LRBA: variants seen among roughly 807,000 people sequenced by gnomAD.
LRBA encodes the protein lipopolysaccharide-responsive and beige-like anchor protein.
LRBA carries 176 observed loss-of-function variants against 330.0 expected under a neutral mutation model. That is an observed-to-expected ratio of 0.53 (90% CI 0.47 to 0.60). The LOEUF is 0.60. Among genes scored for constraint, LRBA ranks in the 20% least tolerant of loss-of-function variants. LRBA has a pLI of 0.00. For synonymous variants in LRBA, 1,230 were observed against 1,193.0 expected (o/e 1.03, Z -0.64); for missense variants, 3,259 against 3,444.8 (o/e 0.95, Z 1.35).
chr4:150,546,489 A>G (rs1202415105), intron 40 of LRBA, among the ~76,000 whole-genome samples: 1 of 152,140 alleles, frequency 6.6e-6, no homozygotes, highest in Admixed American at 6.6e-5. Context: ...CCATTGCACA[A>G]GGTTTGTTAG....
chr4:150,664,395 A>C (rs902764589), intron 37 of LRBA, among the ~76,000 whole-genome samples: 1 of 152,216 alleles, frequency 6.6e-6, no homozygotes, highest in Non-Finnish European at 1.5e-5. Context: ...CAGACCAGGA[A>C]ATGTATAATG....
At chr4:150,790,303 G>A (rs1739709888) in intron 34 of LRBA, among the ~76,000 whole-genome samples, 1 of 152,106 alleles carries the variant, frequency 6.6e-6, no homozygotes, top group Non-Finnish European at 1.5e-5. Context: ...GTGTGCTGGT[G>A]AATCCATAGG....
At chr4:150,625,579 T>G (rs1042647369) in intron 37 of LRBA, among the ~76,000 whole-genome samples, 1 of 151,920 alleles carries the variant, frequency 6.6e-6, no homozygotes, top group African/African-American at 2.4e-5. Flanking sequence ...TATTATAATT[T>G]AACACAGTGC....
intron 42 of LRBA, among the ~76,000 whole-genome samples, chr4:150,480,546 A>G (rs2152080389): frequency 6.6e-6 from 1 of 152,252 alleles, no homozygotes; most frequent in Middle Eastern, 3.4e-3. Context: ...AAATAATGCT[A>G]TAGCACATAC....
At chr4:150,355,250 T>G (rs1737684140) in intron 47 of LRBA, among the ~76,000 whole-genome samples, 2 of 152,090 alleles carry the variant, frequency 1.3e-5, no homozygotes, top group South Asian at 4.1e-4. Context: ...AAAAACCAAA[T>G]TTTTGCCAAT....
Position 150,421,617 on chromosome 4 carries a change from C to G in LRBA, c.7042-6027G>C, listed in dbSNP as rs569487504. On this transcript the variant is annotated intron_variant, in intron 46 of 56. Transcript: ENST00000651943. ...ACGTCACTGTCCTAGCTTCATCTAC[C>G]TGTTGCCAACAACTTGAAGGAGTTT... is the stretch of plus-strand genomic sequence containing the variant. Among the ~76,000 whole-genome samples, 11 of 152,168 alleles carry G rather than the reference C, an allele frequency of 7.2e-5. No homozygotes were observed. The South Asian group carries it at 1.5e-3, about 20-fold the overall frequency.
chr4:150,287,739 A>C (rs948183152), intron 53 of LRBA, among the ~76,000 whole-genome samples: 1 of 152,178 alleles, frequency 6.6e-6, no homozygotes, highest in Admixed American at 6.5e-5. Context: ...AAGGGAGACC[A>C]AAAATAACAT....
At chr4:150,398,030 T>C (rs1400549439) in intron 47 of LRBA, among the ~76,000 whole-genome samples, 1 of 152,142 alleles carries the variant, frequency 6.6e-6, no homozygotes, top group African/African-American at 2.4e-5. Context: ...CAAAAATAAT[T>C]ACATATATAT....
intron 46 of LRBA, among the ~76,000 whole-genome samples, chr4:150,432,998 A>G (rs2151987457): frequency 6.6e-6 from 1 of 152,290 alleles, no homozygotes; most frequent in African/African-American, 2.4e-5. Flanking sequence ...CCTACTTACT[A>G]TCCTACAGAT....
chr4:150,320,806 C>T (rs1732400280), intron 50 of LRBA, among the ~76,000 whole-genome samples: 1 of 151,454 alleles, frequency 6.6e-6, no homozygotes, highest in African/African-American at 2.4e-5. Context: ...GGCCTTGTCT[C>T]TAAAAACAAA....
intron 44 of LRBA, among the ~76,000 whole-genome samples, chr4:150,440,544 A>G (rs1751684764): frequency 6.6e-6 from 1 of 152,060 alleles, no homozygotes; most frequent in South Asian, 2.1e-4. Context: ...GGCAGGCTGA[A>G]GCAGGAGAAT....
chr4:150,793,001 A>T (rs1302165632), intron 34 of LRBA, among the ~76,000 whole-genome samples: 3 of 151,928 alleles, frequency 2.0e-5, no homozygotes, highest in Middle Eastern at 6.8e-3. Flanking sequence ...AATAGCTTGA[A>T]CCCAGGAGGC....
At chr4:150,940,404 A>AAAAAC (rs557666313) in intron 2 of LRBA, among the ~76,000 whole-genome samples, 13 of 152,378 alleles carry the variant, frequency 8.5e-5, no homozygotes, top group South Asian at 4.1e-4. Flanking sequence ...GCTTTCTCAA[A>AAAAAC]AAAACAAAAC....
In LRBA at chr4:150,938,567, G is replaced by C. The variant is rs370001384; in HGVS notation, c.217-9502C>G. ...CTGATCAGCCATGTGACCAAGTTCTGACCAACAGGCAGTAAATACGTGCAA... is the reference window on the plus strand; with the variant it reads ...CTGATCAGCCATGTGACCAAGTTCTCACCAACAGGCAGTAAATACGTGCAA... On this transcript the variant is annotated intron_variant, in intron 2 of 56. Transcript: ENST00000651943. Among the ~76,000 whole-genome samples the C allele has an allele frequency of 3.3e-5, 5 of 152,146 alleles. No homozygotes were observed. The East Asian group carries it at 9.6e-4, about 29-fold the overall frequency.
chr4:150,662,247 CT>C (rs35818190), intron 37 of LRBA, among the ~76,000 whole-genome samples: 1 of 152,058 alleles, frequency 6.6e-6, no homozygotes, highest in Non-Finnish European at 1.5e-5. Flanking sequence ...TAAAATTAAA[CT>C]TTTTAGAAAG....
intron 48 of LRBA, among the ~76,000 whole-genome samples, chr4:150,346,770 A>AAAAAAAAAAAC (rs1736394247): frequency 6.7e-6 from 1 of 150,140 alleles, no homozygotes; most frequent in African/African-American, 2.5e-5. Flanking sequence ...AAAAAAAAAA[A>AAAAAAAAAAAC]AAAAAAAAAA....
chr4:150,981,153 C>T (rs1740784870), intron 2 of LRBA, among the ~76,000 whole-genome samples: 1 of 151,774 alleles, frequency 6.6e-6, no homozygotes, highest in East Asian at 1.9e-4. Context: ...GTGGCTCACG[C>T]CTGTAATCCC....
At chr4:150,283,548 T>A (rs1051828210) in intron 54 of LRBA, among the ~76,000 whole-genome samples, 1 of 152,206 alleles carries the variant, frequency 6.6e-6, no homozygotes, top group Admixed American at 6.5e-5. Flanking sequence ...AATCGTTGCC[T>A]TTTCCCCACA....
intron 22 of LRBA, among the ~76,000 whole-genome samples, chr4:150,860,599 G>A (rs1028901253): frequency 3.9e-5 from 6 of 152,164 alleles, no homozygotes; most frequent in Middle Eastern, 3.4e-3. Flanking sequence ...AGGCTGAGGC[G>A]CGTGGATCAC....
Sources: gnomAD v4.1 joint callset for allele counts (sites outside exome capture counted in the v4.1 genomes callset) on GRCh38, gnomAD v4.1.1 for gene constraint, MANE v1.5 for transcripts, NCBI Gene and HGNC (gene_info 2026-07-23, HGNC 2026-07-21) for gene names.